Variants in UIMC1 observed in about 807,000 individuals in gnomAD.
The protein encoded by UIMC1 is ubiquitin interaction motif containing 1.
A neutral mutation model predicts 84.9 loss-of-function variants in UIMC1; 42 were observed. That is an observed-to-expected ratio of 0.49 (90% CI 0.39 to 0.64). The LOEUF is 0.64. UIMC1 is among the 30% of genes least tolerant of loss of function. UIMC1 has a pLI of 0.00. For synonymous variants in UIMC1, 281 were observed against 293.0 expected, an observed-to-expected ratio of 0.96 and a Z score of 0.42; for missense variants, 825 against 847.6, an observed-to-expected ratio of 0.97 and a Z score of 0.33.
chr5:176,950,051 G>C (rs1284681212), intron 9 of UIMC1, among the ~76,000 whole-genome samples: 1 of 146,494 alleles, frequency 6.8e-6, no homozygotes, highest in Non-Finnish European at 1.5e-5. Context: ...GCAAGACTTT[G>C]TCTCGAGGAG....
At chr5:176,906,151 G>T in intron 13 of UIMC1, 104 bp from the exon 14 acceptor site, 1 of 1,061,376 alleles carries the variant, frequency 9.4e-7, no homozygotes, top group Non-Finnish European at 1.4e-6. Flanking sequence ...CTTCTCATCA[G>T]GCCTATCCAG....
chr5:176,970,368 C>T (rs1769022817), intron 4 of UIMC1: 1 of 208,920 alleles, frequency 4.8e-6, no homozygotes. Flanking sequence ...TTCTTTCTTC[C>T]CATAATCCAC....
At chr5:176,928,864 T>G (rs1762717730) in intron 10 of UIMC1, among the ~76,000 whole-genome samples, 2 of 151,562 alleles carry the variant, frequency 1.3e-5, no homozygotes, top group Admixed American at 1.3e-4. Context: ...GGCAGGAGAA[T>G]GGCGTGAACC....
chr5:176,931,605 G>A (rs1763093220), intron 10 of UIMC1, among the ~76,000 whole-genome samples: 1 of 152,212 alleles, frequency 6.6e-6, no homozygotes, highest in Admixed American at 6.5e-5. Flanking sequence ...CATTTCATAT[G>A]CTACATCATA....
chr5:176,989,111 T>G (rs1772443826), intron 1 of UIMC1, among the ~76,000 whole-genome samples: 1 of 152,110 alleles, frequency 6.6e-6, no homozygotes, highest in Non-Finnish European at 1.5e-5. Flanking sequence ...AACAAACTTC[T>G]CAAACCATTC....
chr5:176,984,126 T>C lies in UIMC1; in HGVS notation c.-8-1503A>G, dbSNP rs565343613. Among the ~76,000 whole-genome samples the C allele has an allele frequency of 2.1e-3, 234 of 112,232 alleles. 4 individuals carry two copies. Among genetic ancestry groups the C allele is most frequent in the African/African-American group, 7.9e-3 (221 of 27,960 alleles). 73.6% of individuals were successfully genotyped at this position (112,232 alleles called of 152,430 possible). A position where few individuals can be genotyped will look rare whatever the true frequency, so the allele number is the denominator to read the frequency against. ...CTGCCCGGCCGCCCTGTCTGGAAAG[T>C]GAGGAGTGCCTCTGCCCGGCCGCCC... On this transcript the variant is annotated intron_variant, in intron 1 of 14. Coordinates refer to ENST00000511320, the MANE Select transcript of UIMC1 (RefSeq NM_001199298.2).
intron 10 of UIMC1, among the ~76,000 whole-genome samples, chr5:176,922,282 A>G (rs1363461789): frequency 6.6e-6 from 1 of 152,234 alleles, no homozygotes; most frequent in Non-Finnish European, 1.5e-5. Context: ...GCTGCTAAAT[A>G]AATACCAACT....
At chr5:176,999,251 A>C (rs114583921) in intron 1 of UIMC1, among the ~76,000 whole-genome samples, 4 of 152,162 alleles carry the variant, frequency 2.6e-5, no homozygotes, top group South Asian at 2.1e-4. Flanking sequence ...TTTTTAGCAT[A>C]TAAGTCTTAT....
intron 6 of UIMC1, among the ~76,000 whole-genome samples, chr5:176,960,202 T>C (rs113576203): frequency 2.2e-4 from 33 of 152,192 alleles, no homozygotes; most frequent in Non-Finnish European, 4.6e-4. Context: ...AATCATATAG[T>C]TGGTCAAAAT....
At chr5:176,921,635 G>T (rs1436920082) in intron 10 of UIMC1, among the ~76,000 whole-genome samples, 1 of 152,102 alleles carries the variant, frequency 6.6e-6, no homozygotes, top group African/African-American at 2.4e-5. Flanking sequence ...AAATCCTGTA[G>T]GTTCAACCTT....
At chr5:176,927,592 T>C (rs1009092479) in intron 10 of UIMC1, among the ~76,000 whole-genome samples, 13 of 152,030 alleles carry the variant, frequency 8.6e-5, no homozygotes, top group African/African-American at 2.7e-4. Flanking sequence ...TATTTTCAAA[T>C]AAAATTTCAC....
intron 10 of UIMC1, among the ~76,000 whole-genome samples, chr5:176,939,383 A>G (rs1366680326): frequency 6.6e-6 from 1 of 152,196 alleles, no homozygotes; most frequent in African/African-American, 2.4e-5. Context: ...ATTGGCATTG[A>G]AAAGAAGGAT....
chr5:176,929,109 G>A (rs746681300), intron 10 of UIMC1, among the ~76,000 whole-genome samples: 1 of 151,602 alleles, frequency 6.6e-6, no homozygotes, highest in African/African-American at 2.4e-5. Context: ...AAAAAAATTA[G>A]CCAGGGGTGG....
At chr5:176,996,298 A>G (rs1273082012) in intron 1 of UIMC1, among the ~76,000 whole-genome samples, 3 of 152,200 alleles carry the variant, frequency 2.0e-5, no homozygotes, top group African/African-American at 7.2e-5. Flanking sequence ...AGAGGAAGAG[A>G]AATTACTGGT....
chr5:176,953,495 TACACAC>T (rs137955830), intron 8 of UIMC1, among the ~76,000 whole-genome samples: 110 of 136,978 alleles, frequency 8.0e-4, no homozygotes, highest in African/African-American at 2.5e-3. Flanking sequence ...ACTGGACACA[TACACAC>T]ACACACACAC....
intron 6 of UIMC1, among the ~76,000 whole-genome samples, chr5:176,967,045 C>A (rs1342767722): frequency 6.6e-6 from 1 of 152,186 alleles, no homozygotes; most frequent in Non-Finnish European, 1.5e-5. Context: ...TACTGCATTA[C>A]TGTAGGTATG....
chr5:176,911,115 GAAA>G (rs1760110322), intron 11 of UIMC1, among the ~76,000 whole-genome samples, 193 bp downstream of exon 11: 1 of 17,020 alleles, frequency 5.9e-5, no homozygotes, highest in Non-Finnish European at 9.2e-5. Flanking sequence ...AGAGAGAGAA[GAAA>G]AGAAAAGAAA....
At chr5:176,958,527 TTA>T (rs1240754157) in intron 6 of UIMC1, among the ~76,000 whole-genome samples, 8 of 152,302 alleles carry the variant, frequency 5.3e-5, no homozygotes, top group Non-Finnish European at 1.0e-4. Flanking sequence ...GTCAAATGAA[TTA>T]TGATTTCAGA....
chr5:177,021,694 C>T (rs901994259), intron 1 of UIMC1, among the ~76,000 whole-genome samples: 62 of 151,980 alleles, frequency 4.1e-4, no homozygotes, highest in African/African-American at 1.4e-3. Flanking sequence ...CTCTTGTTGC[C>T]CAGGCTGGGG....
Sources: gnomAD v4.1 joint callset for allele counts (sites outside exome capture counted in the v4.1 genomes callset) on GRCh38, gnomAD v4.1.1 for gene constraint, MANE v1.5 for transcripts, NCBI Gene and HGNC (gene_info 2026-07-23, HGNC 2026-07-21) for gene names.